Variants in ATXN2 observed in about 807,000 individuals in gnomAD.
ATXN2 encodes the protein ataxin 2, also known as ataxin-2.
ATXN2 carries 37 observed loss-of-function variants against 138.6 expected under a neutral mutation model. That is an observed-to-expected ratio of 0.27 (90% CI 0.21 to 0.35). The LOEUF is 0.35. Ranked by LOEUF, ATXN2 falls within the 10% of genes least tolerant of loss-of-function variation. ATXN2 has a pLI of 1.00. For missense variants in ATXN2, 1,216 were observed against 1,480.3 expected (o/e 0.82, Z 2.93); for synonymous variants, 549 against 543.7 (o/e 1.01, Z -0.13).
At chr12:111,483,155 C>G (rs1445863541) in intron 18 of ATXN2, among the ~76,000 whole-genome samples, 4 of 148,966 alleles carry the variant, frequency 2.7e-5, no homozygotes, top group African/African-American at 9.9e-5. Context: ...CCACTGCGTT[C>G]CAGCCTCAGC....
At chr12:111,473,219 T>C (rs139154012) in intron 18 of ATXN2, among the ~76,000 whole-genome samples, 198 of 151,126 alleles carry the variant, frequency 1.3e-3, no homozygotes, top group Non-Finnish European at 2.4e-3. Context: ...GGCTGCAGTA[T>C]GCCCAGATCA....
intron 1 of ATXN2, among the ~76,000 whole-genome samples, chr12:111,584,731 C>T (rs1165143435): frequency 2.0e-5 from 3 of 151,794 alleles, no homozygotes; most frequent in Non-Finnish European, 2.9e-5. Flanking sequence ...TTTGGGAGGC[C>T]GAGGCAAGTG....
At chr12:111,474,091 C>T (rs985810601) in intron 18 of ATXN2, among the ~76,000 whole-genome samples, 17 of 152,154 alleles carry the variant, frequency 1.1e-4, no homozygotes, top group East Asian at 9.7e-4. Flanking sequence ...TATGGTGGCG[C>T]GCACCTTTAG....
intron 21 of ATXN2, among the ~76,000 whole-genome samples, chr12:111,463,575 C>A (rs1238618136): frequency 2.0e-5 from 3 of 152,136 alleles, no homozygotes; most frequent in African/African-American, 7.2e-5. Flanking sequence ...CCACGTCCGG[C>A]CCTTATTTTT....
intron 6 of ATXN2, among the ~76,000 whole-genome samples, chr12:111,524,739 A>G (rs941297553): frequency 6.6e-5 from 10 of 152,322 alleles, no homozygotes; most frequent in African/African-American, 2.4e-4. Flanking sequence ...TTCCAATGTA[A>G]CCTAATTATT....
intron 14 of ATXN2, 90 bp downstream of exon 14, chr12:111,509,459 C>T (rs1040528879): frequency 2.6e-6 from 2 of 756,760 alleles, no homozygotes; most frequent in South Asian, 1.6e-5. Flanking sequence ...ATGTTTCTGA[C>T]TGTATACATA....
chr12:111,486,733 A>G (rs980009863), intron 16 of ATXN2, 28 bp downstream of exon 16: 3 of 1,577,994 alleles, frequency 1.9e-6, no homozygotes, highest in Admixed American at 1.7e-5. Context: ...TTGGGACTAG[A>G]TAACCTCAAA....
At position 111,520,027 on chromosome 12, in the gene ATXN2, T is replaced by G; in HGVS notation, c.838A>C (p.Arg280=). Residue 280 remains arginine (R), a synonymous_variant, in exon 8 of 25, where the codon AGG becomes CGG. Coordinates refer to ENST00000673436, the MANE Select transcript of ATXN2 (RefSeq NM_001372574.1). Reference sequence around the variant, plus strand: ...ATTTCTTCTGCTAACTGGTTTGCCCTTGCTTCCCGTTTTAAAAATTCTTCT... The same window carrying G: ...ATTTCTTCTGCTAACTGGTTTGCCCGTGCTTCCCGTTTTAAAAATTCTTCT... ...NSEEFLKREA[R]ANQLAEEIES... The G allele has an allele frequency of 6.2e-7, 1 of 1,614,170 alleles. No homozygotes were observed. Among genetic ancestry groups the G allele is most frequent in the East Asian group, 2.2e-5 (1 of 44,878 alleles).
At chr12:111,597,121 T>C (rs569491273) in intron 1 of ATXN2, among the ~76,000 whole-genome samples, 11 of 139,646 alleles carry the variant, frequency 7.9e-5, no homozygotes, top group African/African-American at 2.7e-4. Context: ...TTTGGCTAAG[T>C]AGTGTTTGGG....
In ATXN2 at chr12:111,453,891, TCAA is replaced by T. The variant is rs750287080; in HGVS notation, c.3271-49_3271-47del. On this transcript the variant is annotated intron_variant, in intron 23 of 24. Transcript: ENST00000673436. The surrounding 1 kb of genome is among the most constrained non-coding windows in gnomAD (Gnocchi z 5.4). ...ACGCATACAGGCAACATCTCCGGCT[TCAA>T]CAACATGTCAACTGTGTTCCTTTCA... 4.8e-5 allele frequency: 74 copies of T among 1,553,612 alleles called. No homozygotes were observed. The highest frequency in any genetic ancestry group is 3.4e-4 in the East Asian group (15 of 43,488).
chr12:111,509,772 C>T, intron 13 of ATXN2, 119 bp downstream of exon 13: 1 of 960,900 alleles, frequency 1.0e-6, no homozygotes, highest in Non-Finnish European at 1.6e-6. Flanking sequence ...TCAAGCAATA[C>T]ATTTATCTAT....
chr12:111,573,046 TA>T (rs979997904), intron 1 of ATXN2, among the ~76,000 whole-genome samples: 9 of 150,230 alleles, frequency 6.0e-5, no homozygotes, highest in South Asian at 2.1e-4. Flanking sequence ...TTCAAAATTT[TA>T]AAAAAAAAAA....
At chr12:111,503,764 A>AT (rs1878938243) in intron 14 of ATXN2, among the ~76,000 whole-genome samples, 1 of 151,644 alleles carries the variant, frequency 6.6e-6, no homozygotes, top group Admixed American at 6.6e-5. Context: ...TAATTTATAT[A>AT]TTTTTAATAA....
At chr12:111,560,973 C>T (rs983323797) in intron 1 of ATXN2, among the ~76,000 whole-genome samples, 1 of 152,146 alleles carries the variant, frequency 6.6e-6, no homozygotes, top group Non-Finnish European at 1.5e-5. Flanking sequence ...GCCTGTAATC[C>T]CAGCACTCCA....
chr12:111,550,410 C>T (rs1049590087), intron 5 of ATXN2, among the ~76,000 whole-genome samples: 1 of 152,150 alleles, frequency 6.6e-6, no homozygotes, highest in Non-Finnish European at 1.5e-5. Context: ...AAAGACAATG[C>T]ATACCGTAAA....
chr12:111,481,973 T>G (rs569181044), intron 18 of ATXN2, among the ~76,000 whole-genome samples: 1 of 151,788 alleles, frequency 6.6e-6, no homozygotes, highest in Non-Finnish European at 1.5e-5. Context: ...CATATGAAAA[T>G]TTGTACATGA....
intron 18 of ATXN2, among the ~76,000 whole-genome samples, chr12:111,474,067 AAAAATTAG>A (rs1473240709): frequency 6.6e-6 from 1 of 152,202 alleles, no homozygotes; most frequent in Non-Finnish European, 1.5e-5. Flanking sequence ...CAAAAAATAC[AAAAATTAG>A]CCAGGTATGG....
chr12:111,456,922 G>T (rs759701828), intron 22 of ATXN2, among the ~76,000 whole-genome samples: 1 of 151,874 alleles, frequency 6.6e-6, no homozygotes, highest in Non-Finnish European at 1.5e-5. Context: ...TAATTTTTTT[G>T]TATTTTTATT....
intron 14 of ATXN2, among the ~76,000 whole-genome samples, chr12:111,489,250 CTAAG>C (rs903231344): frequency 6.6e-6 from 1 of 152,092 alleles, no homozygotes; most frequent in Non-Finnish European, 1.5e-5. Flanking sequence ...GGAGAATAGT[CTAAG>C]TAAAAGGAAG....
Sources: allele counts gnomAD v4.1 joint callset (sites outside exome capture counted in the v4.1 genomes callset), GRCh38; gene constraint gnomAD v4.1.1; non-coding constraint Gnocchi (gnomAD v3.1); transcripts MANE v1.5; gene names NCBI Gene and HGNC (gene_info 2026-07-23, HGNC 2026-07-21).